The following TERB2 variants were observed in gnomAD, a reference collection of about 807,000 sequenced individuals.
TERB2 encodes the protein telomere repeat binding bouquet formation protein 2.
Under a neutral mutation model 29.8 loss-of-function variants are expected in TERB2, and 26 were observed. That is an observed-to-expected ratio of 0.87 (90% CI 0.64 to 1.21). The LOEUF (loss-of-function observed/expected upper bound fraction) is 1.21. TERB2 is among the 50% of genes most tolerant of loss of function. The probability of loss-of-function intolerance (pLI) is 0.00; values close to 1 mark genes in which losing one functional copy is unlikely to be tolerated. For missense variants in TERB2, 240 were observed against 268.6 expected, an observed-to-expected ratio of 0.89 and a Z score of 0.74; for synonymous variants, 80 against 90.8, an observed-to-expected ratio of 0.88 and a Z score of 0.68.
At chr15:44,964,925 G>A (rs1399186357) in intron 4 of TERB2, among the ~76,000 whole-genome samples, 3 of 151,896 alleles carry the variant, frequency 2.0e-5, no homozygotes, top group Admixed American at 2.0e-4. Context: ...ATTTTGGGAG[G>A]CTGGGGCGGG....
At chr15:44,974,903 A>G (rs55834299) in intron 6 of TERB2, among the ~76,000 whole-genome samples, 1,672 of 152,228 alleles carry the variant, frequency 0.011, 34 homozygotes, top group African/African-American at 0.039. Flanking sequence ...TGGACTTACC[A>G]AACATTTATT....
intron 4 of TERB2, among the ~76,000 whole-genome samples, chr15:44,961,821 T>A (rs1257496432): frequency 5.9e-5 from 9 of 152,184 alleles, no homozygotes; most frequent in Admixed American, 5.9e-4. Flanking sequence ...TGCCTCAGCC[T>A]CCCAAGTAGC....
intron 5 of TERB2, among the ~76,000 whole-genome samples, chr15:44,972,251 A>C (rs1225068757): frequency 1.3e-5 from 2 of 152,108 alleles, no homozygotes; most frequent in Middle Eastern, 3.4e-3. Flanking sequence ...TCGGCCTCCC[A>C]AAGTGCTGGG....
intron 6 of TERB2, among the ~76,000 whole-genome samples, chr15:44,977,634 T>C (rs1055276387): frequency 1.3e-5 from 2 of 152,192 alleles, no homozygotes; most frequent in African/African-American, 4.8e-5. Flanking sequence ...TGTGCTTCGA[T>C]TGATAGTTAA....
At position 44,964,118 on chromosome 15, in the gene TERB2, A is replaced by G. The variant is rs1264514425; in HGVS notation, c.349-2040A>G. On this transcript the variant is annotated intron_variant, in intron 4 of 6. Coordinates refer to ENST00000340827, the MANE Select transcript of TERB2 (RefSeq NM_152448.3). ...GCCACTGTGCCTGGCCTATTGTACT[A>G]TTCTTTAACTTTGTGGTAAGTTTGA... Among the ~76,000 whole-genome samples, 6 of 152,188 alleles carry G rather than the reference A, an allele frequency of 3.9e-5. No individual in the cohort carries two copies. In the East Asian group the frequency reaches 1.2e-3, roughly 29 times the overall value.
At chr15:44,962,614 G>T (rs1891824098) in intron 4 of TERB2, among the ~76,000 whole-genome samples, 1 of 152,084 alleles carries the variant, frequency 6.6e-6, no homozygotes, top group Non-Finnish European at 1.5e-5. Context: ...ACCTATTCTG[G>T]TTCGGGGGCT....
intron 4 of TERB2, among the ~76,000 whole-genome samples, chr15:44,962,567 A>T (rs1763275995): frequency 6.6e-6 from 1 of 152,154 alleles, no homozygotes; most frequent in Non-Finnish European, 1.5e-5. Context: ...TGTTTTGAAT[A>T]ACACGCCTCA....
chr15:44,977,672 A>G (rs34147891), intron 6 of TERB2, among the ~76,000 whole-genome samples: 1 of 152,138 alleles, frequency 6.6e-6, no homozygotes, highest in Admixed American at 6.5e-5. Flanking sequence ...TATTATTTTT[A>G]TTAAAAATGA....
chr15:44,956,710 G>A lies in TERB2; in HGVS notation c.-9G>A. The A allele has an allele frequency of 6.2e-7, 1 of 1,600,576 alleles. No individual in the cohort carries two copies. The highest frequency in any genetic ancestry group is 8.5e-7 in the Non-Finnish European group (1 of 1,174,144). On this transcript the variant is annotated 5_prime_UTR_variant, in exon 1 of 7. Coordinates refer to ENST00000340827, the MANE Select transcript of TERB2 (RefSeq NM_152448.3). Reference sequence around the variant, plus strand: ...TCCTCTCTCACATCTCCACAGGCTTGGCGACGCCATGTTTCAAGGGCAGCG... The same window carrying A: ...TCCTCTCTCACATCTCCACAGGCTTAGCGACGCCATGTTTCAAGGGCAGCG...
intron 2 of TERB2, 26 bp downstream of exon 2, chr15:44,957,003 T>TC: frequency 3.8e-6 from 6 of 1,596,400 alleles, no homozygotes; most frequent in Non-Finnish European, 5.1e-6. Context: ...TGGCAGTGCC[T>TC]CTTATGTTAG....
intron 5 of TERB2, 139 bp downstream of exon 5, chr15:44,966,382 G>C (rs1407796384): frequency 1.4e-5 from 6 of 421,656 alleles, no homozygotes; most frequent in Admixed American, 4.8e-5. Context: ...ACAAAAAAAA[G>C]AGATCTATGA....
At chr15:44,966,994 G>A (rs1595477212) in intron 5 of TERB2, among the ~76,000 whole-genome samples, 1 of 152,160 alleles carries the variant, frequency 6.6e-6, no homozygotes, top group African/African-American at 2.4e-5. Context: ...CAGCTATTTG[G>A]AGGCTGAGGT....
At chr15:44,963,871 G>A (rs1301005235) in intron 4 of TERB2, among the ~76,000 whole-genome samples, 6 of 148,554 alleles carry the variant, frequency 4.0e-5, no homozygotes, top group African/African-American at 1.2e-4. Context: ...GTGAAGTGGC[G>A]GGATCTCAAG....
chr15:44,978,599 G>T lies in TERB2; in HGVS notation c.634G>T (p.Ala212Ser), dbSNP rs1892079484. 4 of 1,597,306 alleles carry T rather than the reference G, an allele frequency of 2.5e-6. No homozygotes were observed. The highest frequency in any genetic ancestry group is 1.7e-5 in the Admixed American group (1 of 57,258). ...TGTTCAAAATGAAATTAATATGTCT[G>T]CTATAAAAAACAAATTGAAGAGGAA... ...YHVQNEINMS[A>S]IKNKLKRK is the part of the protein sequence containing the mutation. The change falls in exon 7 of 7, where the codon GCT becomes TCT. Residue 212 changes from alanine (A) to serine (S), a missense_variant. Ala to Ser is a moderately conservative substitution (Grantham distance 99, BLOSUM62 1). Coordinates refer to ENST00000340827, the MANE Select transcript of TERB2 (RefSeq NM_152448.3).
chr15:44,973,934 C>A lies in TERB2; in HGVS notation c.502C>A (p.Pro168Thr). 1 of 1,595,456 alleles carries A rather than the reference C, an allele frequency of 6.3e-7. No homozygotes were observed. Among genetic ancestry groups the A allele is most frequent in the Non-Finnish European group, 8.5e-7 (1 of 1,170,062 alleles). ...GATGTACTTCCCTCTACAGAATTACCCAGTTAACAACATGGTAACAGGTAG... is the reference window on the plus strand; with the variant it reads ...GATGTACTTCCCTCTACAGAATTACACAGTTAACAACATGGTAACAGGTAG... ...KQMYFPLQNY[P>T]VNNMVTGYIS... The change falls in exon 6 of 7, where the codon CCA (proline) becomes ACA (threonine). Residue 168 changes from proline to threonine, a missense_variant. Transcript: ENST00000340827.
chr15:44,972,778 A>T (rs984294580), intron 5 of TERB2, among the ~76,000 whole-genome samples: 22 of 151,936 alleles, frequency 1.4e-4, no homozygotes, highest in Non-Finnish European at 2.5e-4. Context: ...TGTCTCCCAA[A>T]ATGCTGGGAT....
chr15:44,958,862 T>C (rs1282376155), intron 3 of TERB2, among the ~76,000 whole-genome samples: 2 of 152,152 alleles, frequency 1.3e-5, no homozygotes, highest in African/African-American at 4.8e-5. Flanking sequence ...GCAAGTTACT[T>C]TCTGAAGTTG....
In TERB2 at chr15:44,960,602, T is replaced by G. The variant is rs190187913; in HGVS notation, c.287-921T>G. 2.0e-4 allele frequency among the ~76,000 whole-genome samples: 31 copies of G among 152,186 alleles called. 1 individual carries two copies. Among genetic ancestry groups the G allele is most frequent in the African/African-American group, 6.5e-4 (27 of 41,512 alleles). On this transcript the variant is annotated intron_variant, in intron 3 of 6. Coordinates refer to ENST00000340827, the MANE Select transcript of TERB2 (RefSeq NM_152448.3). ...ATATATCTAAAATATTATTTCAATA[T>G]ATAATCTATAAAAATTGAGATACCC...
chr15:44,960,078 A>G (rs562046344), intron 3 of TERB2, among the ~76,000 whole-genome samples: 8 of 152,304 alleles, frequency 5.3e-5, no homozygotes, highest in Non-Finnish European at 1.0e-4. Context: ...CCCACCTTCA[A>G]GGAACTTATA....
Sources: gnomAD v4.1 joint callset for allele counts (sites outside exome capture counted in the v4.1 genomes callset) on GRCh38, gnomAD v4.1.1 for gene constraint, MANE v1.5 for transcripts, NCBI Gene and HGNC (gene_info 2026-07-23, HGNC 2026-07-21) for gene names.